Variants in CNTN4 observed in about 807,000 individuals in gnomAD.
CNTN4 encodes contactin-4.
In CNTN4, 77 loss-of-function variants were observed where a neutral mutation model predicts 122.5. The ratio of observed to expected loss-of-function variants is 0.63; its 90% CI spans 0.52 to 0.76. The LOEUF is 0.76. Ranked by LOEUF, CNTN4 falls within the 30% of genes least tolerant of loss-of-function variation. The probability of loss-of-function intolerance (pLI) is 0.00; values close to 1 mark genes in which losing one functional copy is unlikely to be tolerated. For missense variants in CNTN4, 1,256 were observed against 1,259.1 expected, an observed-to-expected ratio of 1.00 and a Z score of 0.04; for synonymous variants, 512 against 447.0, an observed-to-expected ratio of 1.15 and a Z score of -1.83.
At chr3:2,246,338 G>C (rs928115498) in intron 2 of CNTN4, among the ~76,000 whole-genome samples, 2 of 151,964 alleles carry the variant, frequency 1.3e-5, no homozygotes, top group Non-Finnish European at 2.9e-5. Context: ...AGCAATTGTG[G>C]GGATAATAAG....
At chr3:2,757,910 G>A (rs2090410362) in intron 6 of CNTN4, among the ~76,000 whole-genome samples, 1 of 152,152 alleles carries the variant, frequency 6.6e-6, no homozygotes, top group African/African-American at 2.4e-5. Flanking sequence ...CCTGAAATAT[G>A]TATTTAGGGT....
chr3:2,256,353 A>G (rs2040591461), intron 2 of CNTN4, among the ~76,000 whole-genome samples: 2 of 152,200 alleles, frequency 1.3e-5, no homozygotes, highest in Admixed American at 6.5e-5. Flanking sequence ...GCCGAATTCT[A>G]CCAGAGGTAC....
In CNTN4 at chr3:2,667,953, G is replaced by C. The variant is rs191506670; in HGVS notation, c.56-68262G>C. Among the ~76,000 whole-genome samples the C allele has an allele frequency of 4.9e-3, 742 of 151,966 alleles. 2 individuals are homozygous for C. The highest frequency in any genetic ancestry group is 0.014 in the African/African-American group (583 of 41,450). ...TCTGTTCTGTTCCATTGGTCTATATGTCTGTTTTGGTACCAGTACCATGCT... is the reference window on the plus strand; with the variant it reads ...TCTGTTCTGTTCCATTGGTCTATATCTCTGTTTTGGTACCAGTACCATGCT... On this transcript the variant is annotated intron_variant, in intron 4 of 24. Coordinates refer to ENST00000418658, the MANE Select transcript of CNTN4 (RefSeq NM_175607.3).
At chr3:2,200,409 C>T (rs1041298158) in intron 2 of CNTN4, among the ~76,000 whole-genome samples, 4 of 152,172 alleles carry the variant, frequency 2.6e-5, no homozygotes, top group African/African-American at 7.2e-5. Flanking sequence ...TTGCTCCTCT[C>T]TGTTTCCTCC....
intron 2 of CNTN4, among the ~76,000 whole-genome samples, chr3:2,320,290 C>A (rs2150204831): frequency 6.6e-6 from 1 of 152,134 alleles, no homozygotes. Flanking sequence ...ATGTTATATA[C>A]AGAAAGAAAC....
intron 4 of CNTN4, among the ~76,000 whole-genome samples, chr3:2,618,915 G>C (rs1216815109): frequency 6.6e-6 from 1 of 152,176 alleles, no homozygotes; most frequent in Non-Finnish European, 1.5e-5. Context: ...TAGGTTAGAA[G>C]TGATAGATCT....
At chr3:2,925,423 C>T (rs115604996) in intron 12 of CNTN4, among the ~76,000 whole-genome samples, 81 of 152,088 alleles carry the variant, frequency 5.3e-4, no homozygotes, top group African/African-American at 1.9e-3. Flanking sequence ...CGTGGTCATG[C>T]GTGCCTGTAG....
intron 4 of CNTN4, among the ~76,000 whole-genome samples, chr3:2,601,238 G>A (rs1343115567): frequency 6.6e-6 from 1 of 152,096 alleles, no homozygotes; most frequent in African/African-American, 2.4e-5. Flanking sequence ...GGCTTTTGTT[G>A]CCATTGCTTT....
Position 2,982,980 on chromosome 3 carries a change from C to T in CNTN4, c.1359-5365C>T, listed in dbSNP as rs551891904. ...CCTGTAATCCCAGCACTTTGGGAGG[C>T]GAGGCGGGCGGATCACGAGGTCAGG... On this transcript the variant is annotated intron_variant, in intron 13 of 24. Coordinates refer to ENST00000418658, the MANE Select transcript of CNTN4 (RefSeq NM_175607.3). 1.5e-3 allele frequency among the ~76,000 whole-genome samples: 224 copies of T among 151,250 alleles called. 1 individual carries two copies. The highest frequency in any genetic ancestry group is 5.3e-3 in the African/African-American group (219 of 41,128).
chr3:2,612,393 T>C (rs1194750623), intron 4 of CNTN4, among the ~76,000 whole-genome samples: 1 of 152,196 alleles, frequency 6.6e-6, no homozygotes, highest in Admixed American at 6.6e-5. Context: ...GTACAGAAAC[T>C]TAAAAACAAA....
chr3:2,941,788 C>T (rs2094618596), intron 13 of CNTN4, among the ~76,000 whole-genome samples: 2 of 152,152 alleles, frequency 1.3e-5, no homozygotes, highest in Non-Finnish European at 2.9e-5. Flanking sequence ...AGCTGTTGAA[C>T]ACAACCTACA....
intron 3 of CNTN4, among the ~76,000 whole-genome samples, chr3:2,388,399 T>C (rs1207645668): frequency 6.6e-6 from 1 of 152,188 alleles, no homozygotes; most frequent in African/African-American, 2.4e-5. Context: ...ATGTTGCAAA[T>C]AGAGGAGCCC....
chr3:2,711,214 G>A (rs961110493), intron 4 of CNTN4, among the ~76,000 whole-genome samples: 2 of 152,146 alleles, frequency 1.3e-5, no homozygotes, highest in African/African-American at 4.8e-5. Flanking sequence ...AATAAGTGAA[G>A]CTGGCTAGGT....
At chr3:2,611,828 T>A (rs1486908004) in intron 4 of CNTN4, among the ~76,000 whole-genome samples, 4 of 152,188 alleles carry the variant, frequency 2.6e-5, no homozygotes, top group Non-Finnish European at 5.9e-5. Context: ...GAGTGCCCTG[T>A]GGCATCTCTT....
intron 23 of CNTN4, 21 bp downstream of exon 23, chr3:3,043,725 A>G: frequency 7.3e-6 from 11 of 1,505,014 alleles, no homozygotes; most frequent in South Asian, 2.3e-5. Flanking sequence ...TCTTTTTTGC[A>G]AAGGCACCTA....
intron 6 of CNTN4, among the ~76,000 whole-genome samples, chr3:2,756,957 C>T (rs1271895567): frequency 1.3e-5 from 2 of 152,078 alleles, no homozygotes; most frequent in African/African-American, 4.8e-5. Flanking sequence ...AGGAAACAAA[C>T]AGGCCAACAT....
At chr3:3,048,855 A>C (rs559723098) in intron 23 of CNTN4, among the ~76,000 whole-genome samples, 9 of 152,306 alleles carry the variant, frequency 5.9e-5, no homozygotes, top group African/African-American at 2.2e-4. Flanking sequence ...AGACAGTCTC[A>C]ACAAGAAGCT....
intron 2 of CNTN4, among the ~76,000 whole-genome samples, chr3:2,166,055 T>G (rs1163384417): frequency 6.6e-6 from 1 of 152,220 alleles, no homozygotes; most frequent in Non-Finnish European, 1.5e-5. Context: ...TTATTTCTTT[T>G]GGATATATAC....
intron 10 of CNTN4, among the ~76,000 whole-genome samples, chr3:2,900,033 CA>C (rs2094156175): frequency 6.6e-6 from 1 of 152,106 alleles, no homozygotes; most frequent in South Asian, 2.1e-4. Flanking sequence ...TTATTTTCCT[CA>C]AAAATGGCAG....
Sources: allele counts gnomAD v4.1 joint callset (sites outside exome capture counted in the v4.1 genomes callset), GRCh38; gene constraint gnomAD v4.1.1; transcripts MANE v1.5; gene names NCBI Gene and HGNC (gene_info 2026-07-23, HGNC 2026-07-21).